Variants in RNF180 observed in about 807,000 individuals in gnomAD.
RNF180 encodes ring finger protein 180.
In RNF180, 38 loss-of-function variants were observed where a neutral mutation model predicts 59.2. That is an observed-to-expected ratio of 0.64 (90% CI 0.50 to 0.84). RNF180 has a LOEUF of 0.84. Ranked by LOEUF, RNF180 falls within the 40% of genes least tolerant of loss-of-function variation. RNF180 has a pLI of 0.00. For missense variants in RNF180, 705 were observed against 700.9 expected, an observed-to-expected ratio of 1.01 and a Z score of -0.07; for synonymous variants, 262 against 240.3, an observed-to-expected ratio of 1.09 and a Z score of -0.84.
At chr5:64,294,389 A>G (rs1300586094) in intron 5 of RNF180, among the ~76,000 whole-genome samples, 2 of 152,206 alleles carry the variant, frequency 1.3e-5, no homozygotes, top group Non-Finnish European at 2.9e-5. Flanking sequence ...AAAAGTTAAA[A>G]ATAAAATTCT....
chr5:64,352,356 C>T (rs1205806398), intron 7 of RNF180, among the ~76,000 whole-genome samples: 1 of 152,000 alleles, frequency 6.6e-6, no homozygotes, highest in African/African-American at 2.4e-5. Context: ...AAAACCAGCT[C>T]CTGGATTCAT....
At chr5:64,293,470 C>G (rs1742718253) in intron 5 of RNF180, among the ~76,000 whole-genome samples, 1 of 152,084 alleles carries the variant, frequency 6.6e-6, no homozygotes, top group Non-Finnish European at 1.5e-5. Context: ...TAAAACACAG[C>G]TCCTGCTTTT....
In RNF180 at chr5:64,201,076, A is replaced by T. The variant is rs896486213; in HGVS notation, c.135+134A>T. 6.3e-6 allele frequency: 4 copies of T among 636,210 alleles called. No individual in the cohort carries two copies. In the African/African-American group the frequency reaches 7.3e-5, roughly 12 times the overall value. 39.4% of individuals were successfully genotyped at this position (636,210 alleles called of 1,614,324 possible). A position where few individuals can be genotyped will look rare whatever the true frequency, so the allele number is the denominator to read the frequency against. Reference sequence around the variant, plus strand: ...TCTTTGTCATGACTCTTTGTCTCTCACCTTATTTCACCTGACCCACTGAAA... The same window carrying T: ...TCTTTGTCATGACTCTTTGTCTCTCTCCTTATTTCACCTGACCCACTGAAA... On this transcript the variant is annotated intron_variant, in intron 2 of 7. Transcript: ENST00000389100.
upstream of RNF180, among the ~76,000 whole-genome samples, chr5:64,165,599 G>GA (rs1294793911): frequency 2.6e-5 from 4 of 152,216 alleles, no homozygotes; most frequent in Non-Finnish European, 5.9e-5. Context: ...GTAAGGGGAT[G>GA]ACAAGGGAGA....
rs150984690 is a variant in RNF180, at chr5:64,292,536, T to G, written c.1228-32650T>G. On this transcript the variant is annotated intron_variant, in intron 5 of 7. Coordinates refer to ENST00000389100, the MANE Select transcript of RNF180 (RefSeq NM_001113561.2). ...TCCCTGGTGGGGATGCTAACCTGTT[T>G]CTGGCTTGGATGCTCCTGTAGGAGG... 1.6e-3 allele frequency among the ~76,000 whole-genome samples: 244 copies of G among 152,300 alleles called. 2 individuals are homozygous for G. The highest frequency in any genetic ancestry group is 2.9e-3 in the Non-Finnish European group (200 of 68,020).
intron 2 of RNF180, among the ~76,000 whole-genome samples, chr5:64,204,269 C>T (rs1249186875): frequency 6.6e-6 from 1 of 152,136 alleles, no homozygotes; most frequent in Non-Finnish European, 1.5e-5. Flanking sequence ...TTGTCTTGCT[C>T]TTATAATCAG....
intron 5 of RNF180, among the ~76,000 whole-genome samples, chr5:64,221,985 A>G (rs1243446216): frequency 6.6e-6 from 1 of 152,146 alleles, no homozygotes; most frequent in East Asian, 1.9e-4. Flanking sequence ...TTACCTAATA[A>G]GTCTTTTTTT....
At chr5:64,327,477 A>G (rs1744699194) in intron 6 of RNF180, among the ~76,000 whole-genome samples, 1 of 151,996 alleles carries the variant, frequency 6.6e-6, no homozygotes, top group African/African-American at 2.4e-5. Context: ...TTGGCGTATT[A>G]TATTTCTATT....
In RNF180 at chr5:64,364,773, A is replaced by C. The variant is rs988297645; in HGVS notation, c.1580-4842A>C. On this transcript the variant is annotated intron_variant, in intron 7 of 7. Coordinates refer to ENST00000389100, the MANE Select transcript of RNF180 (RefSeq NM_001113561.2). ...TCATTATTGTTTTCTTTAGGGATTC[A>C]ATTTCTTTCTGGTTCAGTCTTGGGA... Among the ~76,000 whole-genome samples, 4 of 151,370 alleles carry C rather than the reference A, an allele frequency of 2.6e-5. No individual in the cohort carries two copies. The Admixed American group carries it at 2.6e-4, about 10-fold the overall frequency.
intron 7 of RNF180, among the ~76,000 whole-genome samples, chr5:64,342,192 G>A (rs190027449): frequency 6.6e-6 from 1 of 152,066 alleles, no homozygotes; most frequent in Non-Finnish European, 1.5e-5. Context: ...TAACTGGGGG[G>A]AAATTATAAG....
chr5:64,292,079 T>G (rs755952985), intron 5 of RNF180, among the ~76,000 whole-genome samples: 8 of 152,180 alleles, frequency 5.3e-5, no homozygotes, highest in African/African-American at 1.9e-4. Context: ...GAGAACATGC[T>G]CCTTTAGCTT....
chr5:64,364,628 G>A (rs1419019982), intron 7 of RNF180, among the ~76,000 whole-genome samples: 1 of 151,696 alleles, frequency 6.6e-6, no homozygotes, highest in Non-Finnish European at 1.5e-5. Context: ...AATTATTTTG[G>A]AATAGTTTCA....
At chr5:64,176,295 TGTA>T (rs1750230244) in intron 1 of RNF180, among the ~76,000 whole-genome samples, 1 of 152,184 alleles carries the variant, frequency 6.6e-6, no homozygotes, top group African/African-American at 2.4e-5. Context: ...TTTGTATTTC[TGTA>T]GTATCATTTG....
At chr5:64,215,691 G>A (rs1204755818) in intron 4 of RNF180, among the ~76,000 whole-genome samples, 2 of 151,878 alleles carry the variant, frequency 1.3e-5, no homozygotes, top group Non-Finnish European at 2.9e-5. Context: ...ATTGAGACTC[G>A]AGCTATACAT....
At chr5:64,248,786 A>G (rs963460887) in intron 5 of RNF180, among the ~76,000 whole-genome samples, 2 of 151,740 alleles carry the variant, frequency 1.3e-5, no homozygotes, top group Non-Finnish European at 3.0e-5. Context: ...AAATCATTCT[A>G]TAAAGACACA....
At chr5:64,355,576 A>C (rs1416787279) in intron 7 of RNF180, among the ~76,000 whole-genome samples, 1 of 151,980 alleles carries the variant, frequency 6.6e-6, no homozygotes, top group African/African-American at 2.4e-5. Context: ...AAATTCATCC[A>C]GAATTTTAAG....
At chr5:64,263,416 G>C (rs754153932) in intron 5 of RNF180, among the ~76,000 whole-genome samples, 3 of 152,146 alleles carry the variant, frequency 2.0e-5, no homozygotes, top group Non-Finnish European at 2.9e-5. Flanking sequence ...TAGCTCTTTT[G>C]AGTTAGTATG....
chr5:64,363,274 G>A (rs1323765428), intron 7 of RNF180, among the ~76,000 whole-genome samples: 1 of 151,718 alleles, frequency 6.6e-6, no homozygotes, highest in Non-Finnish European at 1.5e-5. Flanking sequence ...TTTTATATAT[G>A]GTGTAAGTAA....
intron 6 of RNF180, among the ~76,000 whole-genome samples, chr5:64,327,559 T>A (rs1260441928): frequency 1.3e-5 from 2 of 152,216 alleles, no homozygotes; most frequent in Non-Finnish European, 2.9e-5. Flanking sequence ...AGCATATTGT[T>A]CAATGTCCAC....
Sources: allele counts gnomAD v4.1 joint callset (sites outside exome capture counted in the v4.1 genomes callset), GRCh38; gene constraint gnomAD v4.1.1; transcripts MANE v1.5; gene names NCBI Gene and HGNC (gene_info 2026-07-23, HGNC 2026-07-21).